Variants in PLXNA2 observed in about 807,000 individuals in gnomAD.
PLXNA2 encodes plexin A2.
In PLXNA2, 91 loss-of-function variants were observed where a neutral mutation model predicts 193.5. The observed-to-expected ratio is 0.47, with a 90% confidence interval of 0.40 to 0.56. The LOEUF (loss-of-function observed/expected upper bound fraction) is 0.56, where lower values mean the gene tolerates loss of function less well. PLXNA2 is among the 20% of genes least tolerant of loss of function. PLXNA2 has a pLI of 0.00. For missense variants in PLXNA2, 1,995 were observed against 2,503.2 expected, an observed-to-expected ratio of 0.80 and a Z score of 4.33; for synonymous variants, 997 against 1,027.3, an observed-to-expected ratio of 0.97 and a Z score of 0.56.
intron 12 of PLXNA2, among the ~76,000 whole-genome samples, chr1:208,064,468 T>C (rs1245881831): frequency 6.6e-6 from 1 of 152,224 alleles, no homozygotes; most frequent in East Asian, 1.9e-4. Flanking sequence ...ACATCCTTCA[T>C]GCCCTGCCCT....
intron 12 of PLXNA2, among the ~76,000 whole-genome samples, chr1:208,073,187 C>T (rs1399829024): frequency 6.6e-6 from 1 of 152,232 alleles, no homozygotes; most frequent in African/African-American, 2.4e-5. Context: ...ATCATGAAGA[C>T]TCCCAGAATT....
chr1:208,124,709 A>C (rs1315742773), intron 4 of PLXNA2, among the ~76,000 whole-genome samples: 1 of 150,908 alleles, frequency 6.6e-6, no homozygotes, highest in Non-Finnish European at 1.5e-5. Flanking sequence ...AAAAAGAACC[A>C]GAGATACCCT....
At chr1:208,045,359 C>A in intron 18 of PLXNA2, 149 bp from the exon 19 acceptor site, 1 of 674,262 alleles carries the variant, frequency 1.5e-6, no homozygotes. Context: ...GAGGGGACTT[C>A]TAACAGCCAT....
chr1:208,027,644 A>G (rs753766502), intron 31 of PLXNA2, among the ~76,000 whole-genome samples: 23 of 152,210 alleles, frequency 1.5e-4, no homozygotes, highest in Admixed American at 6.5e-5. Context: ...AAGGTATCCT[A>G]ATCAATCTCT....
At chr1:208,111,883 C>A (rs1038345155) in intron 4 of PLXNA2, among the ~76,000 whole-genome samples, 2 of 152,184 alleles carry the variant, frequency 1.3e-5, no homozygotes, top group African/African-American at 2.4e-5. Flanking sequence ...GGCACAAAAA[C>A]CCCAGAAAAA....
Position 208,217,496 on chromosome 1 carries a change from C to T in PLXNA2, c.427G>A (p.Asp143Asn). The change falls in exon 2 of 32, where the codon GAT (aspartate) becomes AAT (asparagine). Residue 143 changes from aspartate to asparagine, a missense_variant. Physicochemically the swap from Asp to Asn is conservative, Grantham distance 23. This residue lies in a region of PLXNA2 where 702 missense variants were observed against 812.9 expected (regional missense o/e 0.86). Coordinates refer to ENST00000367033, the MANE Select transcript of PLXNA2 (RefSeq NM_025179.4). The surrounding 1 kb of genome is among the most constrained non-coding windows in gnomAD (Gnocchi z 4.7). ...GGCTCCACCAGGATGAAGAGGTCAT[C>T]CAGCCGCAGCAGCTTGCAGACCCCC... is the stretch of plus-strand genomic sequence containing the variant. The part of the protein sequence containing the change: ...YQGVCKLLRL[D>N]DLFILVEPSH... The T allele has an allele frequency of 6.2e-7, 1 of 1,614,198 alleles. No individual in the cohort carries two copies. The highest frequency in any genetic ancestry group is 8.5e-7 in the Non-Finnish European group (1 of 1,180,040).
intron 29 of PLXNA2, chr1:208,029,388 C>T: frequency 1.9e-6 from 2 of 1,074,690 alleles, no homozygotes; most frequent in South Asian, 6.1e-5. Flanking sequence ...CTCAGGGCTT[C>T]ACACAAAGCC....
Position 208,236,457 on chromosome 1 carries a change from CT to C in PLXNA2, c.-81+7185del, listed in dbSNP as rs1310613281. On this transcript the variant is annotated intron_variant, in intron 1 of 31. Transcript: ENST00000367033. This position sits in a 1 kb window ranked among gnomAD's most constrained non-coding sequence, Gnocchi z 4.4. The stretch of plus-strand genomic sequence containing the variant: ...GCTGCCTCTATAAGGCAAGGCAGGG[CT>C]TTTCTACACACCCCTTCCTCTGCTC... Among the ~76,000 whole-genome samples, 1 of 152,188 alleles carries C rather than the reference CT, an allele frequency of 6.6e-6. No individual in the cohort carries two copies. The highest frequency in any genetic ancestry group is 2.4e-5 in the African/African-American group (1 of 41,452).
intron 3 of PLXNA2, among the ~76,000 whole-genome samples, chr1:208,199,504 A>C (rs1339634907): frequency 6.6e-6 from 1 of 152,152 alleles, no homozygotes; most frequent in Non-Finnish European, 1.5e-5. Context: ...CATCCTGGCC[A>C]ACATGTTGAA....
In PLXNA2 at chr1:208,051,025, C is replaced by T. The variant is rs1461813588; in HGVS notation, c.3239G>A (p.Gly1080Asp). The change falls in exon 17 of 32, where the codon GGC (glycine) becomes GAC (aspartate). Residue 1080 changes from glycine (G) to aspartate (D), a missense_variant. Around this residue, in one of 3 missense-constraint regions of PLXNA2, gnomAD observed 1,291 missense variants for 1,673.6 expected, o/e 0.77. Coordinates refer to ENST00000367033, the MANE Select transcript of PLXNA2 (RefSeq NM_025179.4). Reference protein sequence around the residue: ...QEPRIRVKFNGKESVNVCKVV... With the variant: ...QEPRIRVKFNDKESVNVCKVV... ...GTTACTCACATTGACAGATTCTTTGCCATTGAATTTGACTCGGATCCTTGG... is the reference window on the plus strand; with the variant it reads ...GTTACTCACATTGACAGATTCTTTGTCATTGAATTTGACTCGGATCCTTGG... 7 of 1,612,574 alleles carry T rather than the reference C, an allele frequency of 4.3e-6. No individual in the cohort carries two copies. In the African/African-American group the frequency reaches 5.3e-5, roughly 12 times the overall value.
chr1:208,043,342 G>A (rs1487530644), intron 20 of PLXNA2, 139 bp from the exon 21 acceptor site: 6 of 720,262 alleles, frequency 8.3e-6, no homozygotes, highest in African/African-American at 1.8e-5. Context: ...TCTCCAGAGG[G>A]CGGGGCTACT....
At chr1:208,045,302 G>T in intron 18 of PLXNA2, 92 bp from the exon 19 acceptor site, 1 of 1,352,136 alleles carries the variant, frequency 7.4e-7, no homozygotes, top group Non-Finnish European at 1.0e-6. Context: ...GACGGGGAAG[G>T]GCAGCAGTGC....
At chr1:208,085,803 T>G (rs901678755) in intron 9 of PLXNA2, among the ~76,000 whole-genome samples, 4 of 152,154 alleles carry the variant, frequency 2.6e-5, no homozygotes, top group African/African-American at 9.7e-5. Flanking sequence ...GAATGTATGG[T>G]TAACTCTGAG....
At chr1:208,079,540 A>T in intron 11 of PLXNA2, 90 bp from the exon 12 acceptor site, 2 of 919,290 alleles carry the variant, frequency 2.2e-6, no homozygotes, top group Non-Finnish European at 3.2e-6. Context: ...AATGATAGAA[A>T]CTCTTCCCCA....
chr1:208,159,755 T>C (rs1445097635), intron 3 of PLXNA2, among the ~76,000 whole-genome samples: 1 of 152,226 alleles, frequency 6.6e-6, no homozygotes, highest in African/African-American at 2.4e-5. Context: ...ATCTCTGTAC[T>C]ACTCAAAGCC....
At chr1:208,128,510 G>A (rs1668039776) in intron 4 of PLXNA2, among the ~76,000 whole-genome samples, 1 of 104,356 alleles carries the variant, frequency 9.6e-6, no homozygotes, top group Non-Finnish European at 2.1e-5. Flanking sequence ...CCAAGGCTTA[G>A]AGAGGATACG....
chr1:208,199,495 A>T (rs1376812565), intron 3 of PLXNA2, among the ~76,000 whole-genome samples: 1 of 152,166 alleles, frequency 6.6e-6, no homozygotes, highest in Non-Finnish European at 1.5e-5. Context: ...GATCGAGACC[A>T]TCCTGGCCAA....
Position 208,092,786 on chromosome 1 carries a change from C to G in PLXNA2, c.2097G>C (p.Glu699Asp). The G allele has an allele frequency of 6.2e-7, 1 of 1,609,658 alleles. No individual in the cohort carries two copies. The highest frequency in any genetic ancestry group is 1.1e-5 in the South Asian group (1 of 90,750). ...CCATGTTAGGGTAAGCCCTTCTTACCTCTGAAATATTGATCCGGCCCTCCT... is the reference window on the plus strand; with the variant it reads ...CCATGTTAGGGTAAGCCCTTCTTACGTCTGAAATATTGATCCGGCCCTCCT... ...SFQEGRINIS[E>D]DCPQLVPTEE... is the part of the protein sequence containing the mutation. The change falls in exon 9 of 32, where the codon GAG (glutamate) becomes GAC (aspartate). Residue 699 changes from glutamate (E) to aspartate (D), a missense_variant and splice_region_variant. Glu to Asp is a conservative substitution (Grantham distance 45). Coordinates refer to ENST00000367033, the MANE Select transcript of PLXNA2 (RefSeq NM_025179.4).
intron 1 of PLXNA2, among the ~76,000 whole-genome samples, chr1:208,241,137 C>T (rs1672037425): frequency 6.6e-6 from 1 of 152,138 alleles, no homozygotes; most frequent in South Asian, 2.1e-4. Context: ...GTAACCTGCC[C>T]ATGAAATAAA....
Sources: allele counts gnomAD v4.1 joint callset (sites outside exome capture counted in the v4.1 genomes callset), GRCh38; gene constraint gnomAD v4.1.1; regional missense constraint gnomAD v4.1.1; non-coding constraint Gnocchi (gnomAD v3.1); transcripts MANE v1.5; gene names NCBI Gene and HGNC (gene_info 2026-07-23, HGNC 2026-07-21).